GRIK4: variants seen among roughly 807,000 people sequenced by gnomAD.
GRIK4 encodes glutamate ionotropic receptor kainate type subunit 4, also known as glutamate receptor ionotropic, kainate 4.
In GRIK4, 40 loss-of-function variants were observed where a neutral mutation model predicts 104.9. The observed-to-expected ratio is 0.38, with a 90% CI of 0.30 to 0.50. GRIK4 has a LOEUF of 0.50. Ranked by LOEUF, GRIK4 falls within the 20% of genes least tolerant of loss-of-function variation. The pLI, the probability that GRIK4 is intolerant of heterozygous loss-of-function variation, is 0.93. For missense variants in GRIK4, 1,047 were observed against 1,308.1 expected (o/e 0.80, Z 3.08); for synonymous variants, 485 against 524.9 (o/e 0.92, Z 1.04).
At chr11:120,605,416 C>T (rs1394792770) in intron 1 of GRIK4, among the ~76,000 whole-genome samples, 1 of 152,204 alleles carries the variant, frequency 6.6e-6, no homozygotes, top group African/African-American at 2.4e-5. Context: ...GCCTCATTTT[C>T]CTCATCAGTT....
At chr11:120,788,613 C>G (rs1345862080) in intron 3 of GRIK4, among the ~76,000 whole-genome samples, 1 of 152,136 alleles carries the variant, frequency 6.6e-6, no homozygotes, top group Non-Finnish European at 1.5e-5. Context: ...CGTCCCTTCT[C>G]TCACCCCAGA....
intron 3 of GRIK4, among the ~76,000 whole-genome samples, chr11:120,740,517 A>G (rs1259859945): frequency 6.6e-6 from 1 of 152,180 alleles, no homozygotes; most frequent in Non-Finnish European, 1.5e-5. Context: ...ATCATGCCTC[A>G]TCATGCACTC....
At chr11:120,690,086 A>G (rs569195107) in intron 3 of GRIK4, among the ~76,000 whole-genome samples, 41 of 152,300 alleles carry the variant, frequency 2.7e-4, no homozygotes, top group African/African-American at 9.4e-4. Context: ...TGTAAAAGTG[A>G]TTTATGGTTG....
At chr11:120,888,005 A>G (rs1211630022) in intron 11 of GRIK4, among the ~76,000 whole-genome samples, 1 of 151,938 alleles carries the variant, frequency 6.6e-6, no homozygotes, top group Non-Finnish European at 1.5e-5. Flanking sequence ...GCTGGTTGGG[A>G]AGCCAGAACT....
intron 3 of GRIK4, among the ~76,000 whole-genome samples, chr11:120,750,350 C>CTTT (rs869135246): frequency 1.8e-3 from 134 of 76,066 alleles, no homozygotes; most frequent in Middle Eastern, 0.012. Flanking sequence ...CTAGAAATCT[C>CTTT]TTTTTTTTTT....
chr11:120,540,505 T>G (rs2136087425), intron 1 of GRIK4, among the ~76,000 whole-genome samples: 1 of 152,098 alleles, frequency 6.6e-6, no homozygotes, highest in African/African-American at 2.4e-5. Flanking sequence ...TCCCAGCTAC[T>G]TGGGAGGCTG....
chr11:120,954,387 G>A (rs1291834223), intron 15 of GRIK4, among the ~76,000 whole-genome samples: 1 of 151,674 alleles, frequency 6.6e-6, no homozygotes, highest in East Asian at 1.9e-4. Flanking sequence ...TGCTGTCAGT[G>A]ACGGCCTGCG....
At chr11:120,538,101 T>G (rs907856244) in intron 1 of GRIK4, among the ~76,000 whole-genome samples, 15 of 152,258 alleles carry the variant, frequency 9.9e-5, no homozygotes, top group African/African-American at 3.4e-4. Context: ...ACAGAAGTCT[T>G]TCCTTAGGAA....
chr11:120,849,720 T>G (rs758210257), intron 8 of GRIK4, among the ~76,000 whole-genome samples: 1 of 152,254 alleles, frequency 6.6e-6, no homozygotes, highest in Non-Finnish European at 1.5e-5. Context: ...AATCTGCTTT[T>G]TACCTCCCAG....
chr11:120,835,661 C>CA (rs1352020513), intron 7 of GRIK4, among the ~76,000 whole-genome samples: 1 of 152,166 alleles, frequency 6.6e-6, no homozygotes, highest in African/African-American at 2.4e-5. Context: ...ATAGTCATGA[C>CA]AAAACGGGTC....
intron 12 of GRIK4, among the ~76,000 whole-genome samples, chr11:120,901,618 C>T (rs533831252): frequency 7.0e-4 from 106 of 152,280 alleles, no homozygotes; most frequent in African/African-American, 2.4e-3. Flanking sequence ...AAAGTAGGAG[C>T]TCAATAATTA....
At chr11:120,708,505 G>A (rs1950667050) in intron 3 of GRIK4, among the ~76,000 whole-genome samples, 1 of 152,102 alleles carries the variant, frequency 6.6e-6, no homozygotes, top group South Asian at 2.1e-4. Flanking sequence ...GGAGGTGCTA[G>A]CCCTGGCAGC....
chr11:120,965,371 T>C (rs1217329077), intron 18 of GRIK4, among the ~76,000 whole-genome samples: 3 of 152,212 alleles, frequency 2.0e-5, no homozygotes, highest in Admixed American at 2.0e-4. Context: ...CCTAACAACA[T>C]CTGTTAGACA....
intron 1 of GRIK4, among the ~76,000 whole-genome samples, chr11:120,648,921 C>A (rs1157695236): frequency 6.6e-6 from 1 of 152,216 alleles, no homozygotes; most frequent in Non-Finnish European, 1.5e-5. Flanking sequence ...CCTTCTCCGA[C>A]TGGAGTCCTG....
intron 3 of GRIK4, among the ~76,000 whole-genome samples, chr11:120,795,003 C>T (rs1174261568): frequency 6.6e-6 from 1 of 152,006 alleles, no homozygotes; most frequent in South Asian, 2.1e-4. Flanking sequence ...GCTGGGCCTC[C>T]GAGAGTGAGC....
intron 1 of GRIK4, among the ~76,000 whole-genome samples, chr11:120,575,264 C>T (rs145526998): frequency 1.6e-4 from 24 of 152,240 alleles, no homozygotes; most frequent in Admixed American, 4.6e-4. Flanking sequence ...CAGTCTGTGG[C>T]GGGCTCATGG....
chr11:120,686,832 G>A lies in GRIK4; in HGVS notation c.82+26432G>A, dbSNP rs560392583. On this transcript the variant is annotated intron_variant, in intron 3 of 20. Coordinates refer to ENST00000527524, the MANE Select transcript of GRIK4 (RefSeq NM_014619.5). Reference sequence around the variant, plus strand: ...GTGATCCACGCATAGGCAGAGCAGCGGAAAAAGCTAGTTTAGGGTTTTCAG... The same window carrying A: ...GTGATCCACGCATAGGCAGAGCAGCAGAAAAAGCTAGTTTAGGGTTTTCAG... 5.3e-5 allele frequency among the ~76,000 whole-genome samples: 8 copies of A among 152,274 alleles called. 1 individual carries two copies. The highest frequency in any genetic ancestry group is 4.1e-4 in the South Asian group (2 of 4,822).
rs1241538517 is a variant in GRIK4 at position 120,795,094 on chromosome 11, A to G, written c.83-7599A>G. The stretch of plus-strand genomic sequence containing the variant: ...CTTTTTCTTGTTAACACAGGGCTCT[A>G]TCCGGCTGAGCCAAACGGCCACAGA... On this transcript the variant is annotated intron_variant, in intron 3 of 20. Coordinates refer to ENST00000527524, the MANE Select transcript of GRIK4 (RefSeq NM_014619.5). Among the ~76,000 whole-genome samples, 5 of 152,300 alleles carry G rather than the reference A, an allele frequency of 3.3e-5. No homozygotes were observed. In the East Asian group the frequency reaches 9.6e-4, roughly 29 times the overall value.
intron 12 of GRIK4, 51 bp downstream of exon 12, chr11:120,898,690 C>T (rs374222960): frequency 9.9e-5 from 97 of 984,422 alleles, no homozygotes; most frequent in East Asian, 1.7e-4. Flanking sequence ...GGTGCCTCCC[C>T]GGCTCTGAGC....
Sources: allele counts gnomAD v4.1 joint callset (sites outside exome capture counted in the v4.1 genomes callset), GRCh38; gene constraint gnomAD v4.1.1; transcripts MANE v1.5; gene names NCBI Gene and HGNC (gene_info 2026-07-23, HGNC 2026-07-21).